Variants in PKD1L1 observed in about 807,000 individuals in gnomAD.
PKD1L1 encodes the protein polycystin 1 like 1, transient receptor potential channel interacting.
A neutral mutation model predicts 323.4 loss-of-function variants in PKD1L1; 236 were observed. That is an observed-to-expected ratio of 0.73 (90% CI 0.66 to 0.81). The LOEUF (loss-of-function observed/expected upper bound fraction) is 0.81, where lower values mean the gene tolerates loss of function less well. Ranked by LOEUF, PKD1L1 falls within the 40% of genes least tolerant of loss-of-function variation. The pLI, the probability that PKD1L1 is intolerant of heterozygous loss-of-function variation, is 0.00. For synonymous variants in PKD1L1, 1,344 were observed against 1,335.0 expected, an observed-to-expected ratio of 1.01 and a Z score of -0.15; for missense variants, 3,320 against 3,508.0, an observed-to-expected ratio of 0.95 and a Z score of 1.35.
At chr7:47,814,328 A>G (rs1188830797) in intron 47 of PKD1L1, among the ~76,000 whole-genome samples, 1 of 152,226 alleles carries the variant, frequency 6.6e-6, no homozygotes, top group Non-Finnish European at 1.5e-5. Context: ...TATATAGAAT[A>G]CAACAAAATA....
chr7:47,863,413 G>T (rs1002441512), intron 26 of PKD1L1, among the ~76,000 whole-genome samples: 1 of 151,940 alleles, frequency 6.6e-6, no homozygotes, highest in South Asian at 2.1e-4. Flanking sequence ...GGAAGGAGTG[G>T]ATGAGATCAC....
At chr7:47,880,278 A>T (rs1237259566) in intron 21 of PKD1L1, among the ~76,000 whole-genome samples, 4,431 of 72,416 alleles carry the variant, frequency 0.061, 254 homozygotes, top group African/African-American at 0.079. Context: ...ATATATATAT[A>T]TATATATTTT....
intron 14 of PKD1L1, among the ~76,000 whole-genome samples, chr7:47,895,358 ATCT>A (rs1226397248): frequency 6.6e-6 from 1 of 152,224 alleles, no homozygotes; most frequent in African/African-American, 2.4e-5. Context: ...GGCTGGACAC[ATCT>A]TCTATGGCTT....
At chr7:47,896,345 A>G (rs534629629) in intron 14 of PKD1L1, among the ~76,000 whole-genome samples, 61 of 151,756 alleles carry the variant, frequency 4.0e-4, no homozygotes, top group African/African-American at 1.4e-3. Flanking sequence ...AAAAAAAAAA[A>G]AAAAAAAAAG....
chr7:47,929,331 A>G lies in PKD1L1; in HGVS notation c.933T>C (p.Arg311=), dbSNP rs75505495. 7,871 of 1,614,118 alleles carry G rather than the reference A, an allele frequency of 4.9e-3. 332 individuals carry two copies. In the African/African-American group the frequency reaches 0.092, roughly 19 times the overall value. The change falls in exon 7 of 57, where the codon CGT becomes CGC. Residue 311 remains arginine (R), a synonymous_variant. Coordinates refer to ENST00000289672, the MANE Select transcript of PKD1L1 (RefSeq NM_138295.5). ...EARAPPNLGF[R]VHMASGEALC... is the part of the protein sequence containing the mutation. ...GAGCCTCTCCAGAAGCCATATGAAC[A>G]CGGAATCCCAGATTTGGAGGTGCCC...
intron 8 of PKD1L1, among the ~76,000 whole-genome samples, chr7:47,909,580 T>C (rs374207617): frequency 1.1e-4 from 17 of 152,224 alleles, no homozygotes; most frequent in African/African-American, 3.9e-4. Flanking sequence ...ACATTCTCTG[T>C]CTTTCTTGTC....
At position 47,886,035 on chromosome 7, in the gene PKD1L1, C is replaced by T. The variant is rs760353608; in HGVS notation, c.2856G>A (p.Val952=). ...CGAGTCCCAGCGAGCCAAGCAGCCC[C>T]ACTACTCTGCAGAAGGGAACTTAAG... ...NRIEVPFCRV[V]GLLGSLGLGA... is the part of the protein sequence containing the mutation. Residue 952 remains valine, a synonymous_variant, in exon 18 of 57, where the codon GTG becomes GTA. Transcript: ENST00000289672. 1.2e-6 allele frequency: 2 copies of T among 1,613,250 alleles called. No individual in the cohort carries two copies. The highest frequency in any genetic ancestry group is 1.7e-5 in the Admixed American group (1 of 59,960).
chr7:47,827,276 A>G, intron 45 of PKD1L1, 74 bp downstream of exon 45: 1 of 1,274,244 alleles, frequency 7.8e-7, no homozygotes. Flanking sequence ...CAGGAGGACC[A>G]GCGGCAGTGG....
intron 2 of PKD1L1, among the ~76,000 whole-genome samples, chr7:47,942,447 GC>G (rs1171671403): frequency 1.0e-5 from 1 of 98,596 alleles, no homozygotes; most frequent in East Asian, 3.0e-4. Flanking sequence ...CCGCGCCCCC[GC>G]CCCCCCACTC....
At chr7:47,852,647 C>T (rs1479376795) in intron 31 of PKD1L1, among the ~76,000 whole-genome samples, 2 of 152,122 alleles carry the variant, frequency 1.3e-5, no homozygotes, top group Non-Finnish European at 2.9e-5. Flanking sequence ...GGGCAGACCA[C>T]GGAGAAGGGG....
rs545040914 is a variant in PKD1L1, at chr7:47,920,371, A to G, written c.1061-4772T>C. Among the ~76,000 whole-genome samples the G allele has an allele frequency of 1.2e-4, 18 of 152,178 alleles. No individual in the cohort carries two copies. In the East Asian group the frequency reaches 3.5e-3, roughly 29 times the overall value. The stretch of plus-strand genomic sequence containing the variant: ...GCCTTTACAAGGAAAACTATAAAAG[A>G]GTGCTGAAAAAAAATCATGGATGAC... On this transcript the variant is annotated intron_variant, in intron 7 of 56. Transcript: ENST00000289672.
chr7:47,850,523 C>T (rs1785757258), intron 31 of PKD1L1, among the ~76,000 whole-genome samples: 1 of 150,050 alleles, frequency 6.7e-6, no homozygotes, highest in South Asian at 2.1e-4. Context: ...TCTCAGCTAC[C>T]CACAAGGCTG....
At chr7:47,851,820 T>TA in intron 31 of PKD1L1, among the ~76,000 whole-genome samples, 1 of 151,258 alleles carries the variant, frequency 6.6e-6, no homozygotes, top group Non-Finnish European at 1.5e-5. Flanking sequence ...CCTAAGCTCA[T>TA]AAAAAAAAGT....
intron 49 of PKD1L1, among the ~76,000 whole-genome samples, 160 bp downstream of exon 49, chr7:47,812,958 CACA>C (rs1207711641): frequency 2.6e-5 from 4 of 152,248 alleles, no homozygotes; most frequent in Non-Finnish European, 5.9e-5. Flanking sequence ...TTCTATCATT[CACA>C]ACAATGACAA....
At chr7:47,960,354 A>G in the PKD1L1 span, among the ~76,000 whole-genome samples, 371 of 141,696 alleles carry the variant, frequency 2.6e-3, 2 homozygotes, top group Admixed American at 4.9e-3. Flanking sequence ...AGAAACACCC[A>G]AGAATGATCA....
intron 21 of PKD1L1, among the ~76,000 whole-genome samples, chr7:47,879,261 A>G (rs1786476350): frequency 6.6e-6 from 1 of 152,206 alleles, no homozygotes; most frequent in Admixed American, 6.5e-5. Context: ...TTCACAGAGA[A>G]TGCAAGTTTG....
rs141870090 is a variant in PKD1L1 at position 47,824,574 on chromosome 7, C to A, written c.6854+2776G>T. ...AACCTTAACACAGATTTAAAAAAAT[C>A]TTATTCCTTCTCTCCCCATAAGTAA... On this transcript the variant is annotated intron_variant, in intron 45 of 56. Coordinates refer to ENST00000289672, the MANE Select transcript of PKD1L1 (RefSeq NM_138295.5). Among the ~76,000 whole-genome samples, 673 of 152,268 alleles carry A rather than the reference C, an allele frequency of 4.4e-3. 6 individuals are homozygous for A. Among genetic ancestry groups the A allele is most frequent in the African/African-American group, 0.015 (631 of 41,554 alleles).
At chr7:47,827,024 A>C (rs1010351603) in intron 45 of PKD1L1, among the ~76,000 whole-genome samples, 4 of 152,190 alleles carry the variant, frequency 2.6e-5, no homozygotes, top group African/African-American at 7.2e-5. Flanking sequence ...GGTGGGATGA[A>C]ATCCAATTGT....
intron 34 of PKD1L1, among the ~76,000 whole-genome samples, chr7:47,842,479 G>T (rs1785581634): frequency 6.6e-6 from 1 of 152,110 alleles, no homozygotes; most frequent in Non-Finnish European, 1.5e-5. Context: ...GCTCTGCCGG[G>T]CTCAATTTCT....
Sources: gnomAD v4.1 joint callset for allele counts (sites outside exome capture counted in the v4.1 genomes callset) on GRCh38, gnomAD v4.1.1 for gene constraint, MANE v1.5 for transcripts, NCBI Gene and HGNC (gene_info 2026-07-23, HGNC 2026-07-21) for gene names.